The following TYR variants were observed in gnomAD, a reference collection of about 807,000 sequenced individuals.
TYR encodes LB24-AB.
In TYR, 58 loss-of-function variants were observed where a neutral mutation model predicts 51.5. That is an observed-to-expected ratio of 1.13 (90% CI 0.91 to 1.40). TYR has a LOEUF of 1.40. TYR is among the 40% of genes most tolerant of loss of function. The pLI is 0.00. For missense variants in TYR, 732 were observed against 647.4 expected (o/e 1.13, Z -1.42); for synonymous variants, 263 against 235.2 (o/e 1.12, Z -1.08).
chr11:89,235,828 T>G (rs1944102758), intron 3 of TYR, among the ~76,000 whole-genome samples: 1 of 152,128 alleles, frequency 6.6e-6, no homozygotes. Flanking sequence ...TGAGAGTAGA[T>G]TTTAAATGCT....
chr11:89,286,293 T>C (rs1944785897), intron 4 of TYR, among the ~76,000 whole-genome samples: 1 of 151,876 alleles, frequency 6.6e-6, no homozygotes, highest in Non-Finnish European at 1.5e-5. Context: ...GTACAGCATA[T>C]TTATGAAATG....
At chr11:89,232,890 G>A (rs532836841) in intron 3 of TYR, among the ~76,000 whole-genome samples, 1 of 143,038 alleles carries the variant, frequency 7.0e-6, no homozygotes, top group Non-Finnish European at 1.5e-5. Context: ...GGAGGGTCTT[G>A]CCTTGATTTT....
chr11:89,211,460 T>C (rs190306275), intron 2 of TYR, among the ~76,000 whole-genome samples: 2 of 152,244 alleles, frequency 1.3e-5, no homozygotes, highest in East Asian at 3.9e-4. Flanking sequence ...AGCAAGTTCT[T>C]AGAGACCTAC....
At chr11:89,211,711 C>T (rs1440093566) in intron 2 of TYR, among the ~76,000 whole-genome samples, 3 of 152,160 alleles carry the variant, frequency 2.0e-5, no homozygotes, top group Non-Finnish European at 4.4e-5. Context: ...AAACACTCCA[C>T]AGCAAATGTA....
chr11:89,285,804 GTCC>G (rs1266864726), intron 4 of TYR, among the ~76,000 whole-genome samples: 1 of 151,764 alleles, frequency 6.6e-6, no homozygotes, highest in African/African-American at 2.4e-5. Context: ...ATTCTAGGAG[GTCC>G]TCCTCATCTC....
At chr11:89,226,063 T>G (rs1367660470) in intron 2 of TYR, among the ~76,000 whole-genome samples, 1 of 152,072 alleles carries the variant, frequency 6.6e-6, no homozygotes, top group Non-Finnish European at 1.5e-5. Context: ...TTAAAAAGTG[T>G]GAGAGTATAC....
intron 3 of TYR, among the ~76,000 whole-genome samples, chr11:89,262,429 T>C (rs1944468091): frequency 6.6e-6 from 1 of 151,288 alleles, no homozygotes; most frequent in African/African-American, 2.4e-5. Flanking sequence ...ACCACCAGCC[T>C]TAGAAACAAG....
intron 1 of TYR, among the ~76,000 whole-genome samples, chr11:89,190,549 A>C (rs2135252445): frequency 6.6e-6 from 1 of 152,296 alleles, no homozygotes; most frequent in Admixed American, 6.5e-5. Flanking sequence ...AGACTCAAAA[A>C]GTTTTAAAAA....
chr11:89,285,030 T>C, intron 4 of TYR, 76 bp downstream of exon 4: 1 of 1,268,868 alleles, frequency 7.9e-7, no homozygotes, highest in East Asian at 2.3e-5. Flanking sequence ...CAAAACTTTA[T>C]GCTTCGACAA....
intron 3 of TYR, among the ~76,000 whole-genome samples, chr11:89,239,083 A>C (rs1469936188): frequency 6.6e-6 from 1 of 152,098 alleles, no homozygotes; most frequent in East Asian, 1.9e-4. Flanking sequence ...TATCAAGGTA[A>C]AGCTGGCCTT....
At chr11:89,243,046 C>T (rs1944219753) in intron 3 of TYR, among the ~76,000 whole-genome samples, 1 of 152,110 alleles carries the variant, frequency 6.6e-6, no homozygotes, top group African/African-American at 2.4e-5. Context: ...TAATAAGATG[C>T]TACAATAATT....
At chr11:89,261,473 CATAAT>C (rs1184514249) in intron 3 of TYR, among the ~76,000 whole-genome samples, 1 of 151,910 alleles carries the variant, frequency 6.6e-6, no homozygotes, top group African/African-American at 2.4e-5. Context: ...CAAAAGAAGA[CATAAT>C]ATAACAATAA....
intron 3 of TYR, among the ~76,000 whole-genome samples, chr11:89,247,078 C>T (rs1944276052): frequency 6.6e-6 from 1 of 152,128 alleles, no homozygotes; most frequent in East Asian, 1.9e-4. Flanking sequence ...AATTAATGCC[C>T]TAGAACAAAG....
At chr11:89,203,482 A>T (rs980914436) in intron 2 of TYR, among the ~76,000 whole-genome samples, 2 of 152,240 alleles carry the variant, frequency 1.3e-5, no homozygotes, top group Admixed American at 1.3e-4. Flanking sequence ...ATTGTCAATA[A>T]CAAAAGTATA....
chr11:89,202,578 T>A (rs1266499098), intron 2 of TYR, among the ~76,000 whole-genome samples: 1 of 148,380 alleles, frequency 6.7e-6, no homozygotes, highest in Non-Finnish European at 1.5e-5. Context: ...AACGTGTTGA[T>A]GTTGATAATG....
intron 2 of TYR, among the ~76,000 whole-genome samples, chr11:89,205,988 A>G (rs986460607): frequency 2.0e-5 from 3 of 152,178 alleles, no homozygotes; most frequent in African/African-American, 7.2e-5. Context: ...ATAATGTAAT[A>G]CTTAGATAAA....
rs1235030622 is a variant in TYR, at chr11:89,202,774, G to GT, written c.1036+11357dup. 2.0e-5 allele frequency among the ~76,000 whole-genome samples: 3 copies of GT among 152,104 alleles called. No homozygotes were observed. The East Asian group carries it at 5.8e-4, about 29-fold the overall frequency. On this transcript the variant is annotated intron_variant, in intron 2 of 4. Transcript: ENST00000263321. ...ATATTCACATTTCTTTTCTTAAGAT[G>GT]TAATAATTAATGGAGGGGGAGCAGA...
chr11:89,254,636 G>T (rs996691866), intron 3 of TYR, among the ~76,000 whole-genome samples: 2 of 151,706 alleles, frequency 1.3e-5, no homozygotes, highest in Admixed American at 6.6e-5. Flanking sequence ...AGCCTTGAAT[G>T]ATCTTTTGTA....
At chr11:89,226,711 C>A (rs1212572620) in intron 2 of TYR, among the ~76,000 whole-genome samples, 2 of 152,082 alleles carry the variant, frequency 1.3e-5, no homozygotes, top group African/African-American at 4.8e-5. Flanking sequence ...TGAAATAAAG[C>A]TAGAACTTCC....
Sources: allele counts gnomAD v4.1 joint callset (sites outside exome capture counted in the v4.1 genomes callset), GRCh38; gene constraint gnomAD v4.1.1; transcripts MANE v1.5; gene names NCBI Gene and HGNC (gene_info 2026-07-23, HGNC 2026-07-21).